Variants in HDAC4 observed in about 807,000 individuals in gnomAD.
HDAC4 encodes the protein histone deacetylase 4.
In HDAC4, 16 loss-of-function variants were observed where a neutral mutation model predicts 135.1. The ratio of observed to expected loss-of-function variants is 0.12; its 90% CI spans 0.08 to 0.18. The LOEUF (loss-of-function observed/expected upper bound fraction) is 0.18. HDAC4 is among the 10% of genes least tolerant of loss of function. HDAC4 has a pLI of 1.00. For synonymous variants in HDAC4, 685 were observed against 653.4 expected, an observed-to-expected ratio of 1.05 and a Z score of -0.74; for missense variants, 1,143 against 1,511.8, an observed-to-expected ratio of 0.76 and a Z score of 4.05.
intron 15 of HDAC4, among the ~76,000 whole-genome samples, chr2:239,105,059 G>A (rs866647172): frequency 2.0e-5 from 3 of 152,354 alleles, no homozygotes; most frequent in Middle Eastern, 6.8e-3. Flanking sequence ...CTCAGACTGA[G>A]CACCTGAGAG....
intron 22 of HDAC4, among the ~76,000 whole-genome samples, chr2:239,080,296 A>G (rs914472192): frequency 2.0e-5 from 3 of 152,250 alleles, no homozygotes; most frequent in African/African-American, 4.8e-5. Context: ...TGAAGACTGT[A>G]TGGGGCTTTG....
intron 1 of HDAC4, among the ~76,000 whole-genome samples, chr2:239,373,890 G>A (rs2126019063): frequency 6.6e-6 from 1 of 152,296 alleles, no homozygotes; most frequent in African/African-American, 2.4e-5. Flanking sequence ...AATTGTCTTT[G>A]GAGATTTCTC....
At chr2:239,371,438 T>C (rs1006158262) in intron 1 of HDAC4, among the ~76,000 whole-genome samples, 5 of 150,248 alleles carry the variant, frequency 3.3e-5, no homozygotes, top group Non-Finnish European at 7.4e-5. Context: ...AACTCACACA[T>C]TCAATCACAC....
chr2:239,093,587 C>T (rs915226907), intron 17 of HDAC4, among the ~76,000 whole-genome samples: 1 of 152,264 alleles, frequency 6.6e-6, no homozygotes, highest in African/African-American at 2.4e-5. Context: ...AGCCCCACGG[C>T]CTGCACTGTT....
At chr2:239,176,741 C>T (rs1030579519) in intron 4 of HDAC4, among the ~76,000 whole-genome samples, 178 bp from the exon 5 acceptor site, 7 of 152,156 alleles carry the variant, frequency 4.6e-5, no homozygotes, top group African/African-American at 1.2e-4. Context: ...AGGGCCATTC[C>T]GGGCTCTGGG....
At chr2:239,382,569 C>T (rs1036721225) in intron 1 of HDAC4, among the ~76,000 whole-genome samples, 7 of 152,254 alleles carry the variant, frequency 4.6e-5, no homozygotes, top group Non-Finnish European at 8.8e-5. Context: ...AACCCCGGAG[C>T]CACAGTGCTC....
chr2:239,317,012 G>A (rs1038553250), intron 2 of HDAC4, among the ~76,000 whole-genome samples: 1 of 152,154 alleles, frequency 6.6e-6, no homozygotes, highest in Admixed American at 6.5e-5. Context: ...TAACAACCAC[G>A]CTGGGGCAGG....
intron 17 of HDAC4, chr2:239,093,973 T>C: frequency 1.0e-6 from 1 of 985,430 alleles, no homozygotes; most frequent in Non-Finnish European, 1.2e-6. Context: ...TCTGACGGGA[T>C]AATTTTCAAA....
At position 239,095,062 on chromosome 2, in the gene HDAC4, G is replaced by A. The variant is rs772328890; in HGVS notation, c.2234-6C>T. Reference sequence around the variant, plus strand: ...GAACACGGAGGCGAGCGAGCCTGTGGGGGGGAGGGAGACGGTCAGAGAGGC... The same window carrying A: ...GAACACGGAGGCGAGCGAGCCTGTGAGGGGGAGGGAGACGGTCAGAGAGGC... On this transcript the variant is annotated splice_region_variant and splice_polypyrimidine_tract_variant and intron_variant, in intron 16 of 26. Coordinates refer to ENST00000543185, the MANE Select transcript of HDAC4 (RefSeq NM_001378414.1). 5.6e-6 allele frequency: 9 copies of A among 1,613,706 alleles called. No individual in the cohort carries two copies. Among genetic ancestry groups the A allele is most frequent in the Admixed American group, 1.7e-5 (1 of 60,002 alleles).
At chr2:239,090,169 C>A in intron 17 of HDAC4, 53 bp from the exon 18 acceptor site, 2 of 1,326,230 alleles carry the variant, frequency 1.5e-6, no homozygotes, top group South Asian at 2.4e-5. Flanking sequence ...ACCGTCATCA[C>A]CAGCCCTGGC....
chr2:239,149,744 C>T (rs1339172454), intron 7 of HDAC4, among the ~76,000 whole-genome samples: 2 of 152,028 alleles, frequency 1.3e-5, no homozygotes, highest in Admixed American at 6.6e-5. Context: ...CAGCCATGCC[C>T]GCCCTTGACT....
At chr2:239,283,597 CA>C (rs2050952841) in intron 2 of HDAC4, among the ~76,000 whole-genome samples, 1 of 152,268 alleles carries the variant, frequency 6.6e-6, no homozygotes, top group African/African-American at 2.4e-5. Flanking sequence ...GTACAGAAAT[CA>C]GGAAGGCAGA....
rs1349001329 is a variant in HDAC4 at position 239,262,558 on chromosome 2, A to AG, written c.23-25895dup. Among the ~76,000 whole-genome samples the AG allele has an allele frequency of 6.6e-6, 1 of 152,168 alleles. No individual in the cohort carries two copies. The highest frequency in any genetic ancestry group is 1.5e-5 in the Non-Finnish European group (1 of 68,018). ...GCAGGCAAGACTGATCTCTACTCTGAGGGGGCCAGAGCCTGGCTCTGACAC... is the reference window on the plus strand; with the variant it reads ...GCAGGCAAGACTGATCTCTACTCTGAGGGGGGCCAGAGCCTGGCTCTGACAC... On this transcript the variant is annotated intron_variant, in intron 2 of 26. Transcript: ENST00000543185. This position sits in a 1 kb window ranked among gnomAD's most constrained non-coding sequence, Gnocchi z 4.1.
At position 239,365,133 on chromosome 2, in the gene HDAC4, GAC is replaced by G. The variant is rs1694106990; in HGVS notation, c.-219-12217_-219-12216del. ...CAAACTGTTGCTATATGACATTTCT[GAC>G]TCCTGTCTATACAGTGAGTTTAATA... On this transcript the variant is annotated intron_variant, in intron 1 of 26. Transcript: ENST00000543185. Among the ~76,000 whole-genome samples, 5 of 152,314 alleles carry G rather than the reference GAC, an allele frequency of 3.3e-5. No homozygotes were observed. In the South Asian group the frequency reaches 8.3e-4, roughly 25 times the overall value.
intron 1 of HDAC4, among the ~76,000 whole-genome samples, chr2:239,399,814 G>A (rs2126142101): frequency 6.6e-6 from 1 of 152,342 alleles, no homozygotes; most frequent in Admixed American, 6.5e-5. Context: ...TTAGGATTTA[G>A]TGAAGAAAGT....
At chr2:239,401,467 C>G (rs953496064), upstream of HDAC4, 1 of 168,914 alleles carries the variant, frequency 5.9e-6, no homozygotes, top group Non-Finnish European at 1.3e-5. Context: ...GACCGGGGGC[C>G]AGTAGTGGCC....
At chr2:239,243,639 C>A (rs1347415605) in intron 2 of HDAC4, among the ~76,000 whole-genome samples, 1 of 152,214 alleles carries the variant, frequency 6.6e-6, no homozygotes, top group African/African-American at 2.4e-5. Context: ...ACGACACAGT[C>A]TTCATTGCAG....
intron 3 of HDAC4, among the ~76,000 whole-genome samples, chr2:239,235,809 G>A (rs1212897357): frequency 6.6e-6 from 1 of 152,232 alleles, no homozygotes; most frequent in African/African-American, 2.4e-5. Context: ...GGAGGCCGAG[G>A]CAGGCAGATT....
chr2:239,345,543 C>A (rs1252716106), intron 2 of HDAC4, among the ~76,000 whole-genome samples: 1 of 151,760 alleles, frequency 6.6e-6, no homozygotes, highest in Non-Finnish European at 1.5e-5. Flanking sequence ...GACAGCAAGA[C>A]CCTGTCTAAC....
Sources: gnomAD v4.1 joint callset for allele counts (sites outside exome capture counted in the v4.1 genomes callset) on GRCh38, gnomAD v4.1.1 for gene constraint, Gnocchi (gnomAD v3.1) non-coding constraint, MANE v1.5 for transcripts, NCBI Gene and HGNC (gene_info 2026-07-23, HGNC 2026-07-21) for gene names.